ST8SIA1: variants seen among roughly 807,000 people sequenced by gnomAD.
ST8SIA1 encodes alpha-N-acetylneuraminide alpha-2,8-sialyltransferase.
ST8SIA1 carries 16 observed loss-of-function variants against 35.9 expected under a neutral mutation model. That is an observed-to-expected ratio of 0.45 (90% CI 0.30 to 0.68). The LOEUF (loss-of-function observed/expected upper bound fraction) is 0.68, where lower values mean the gene tolerates loss of function less well. ST8SIA1 is among the 30% of genes least tolerant of loss of function. The pLI is 0.09. For synonymous variants in ST8SIA1, 170 were observed against 169.6 expected, an observed-to-expected ratio of 1.00 and a Z score of -0.02; for missense variants, 383 against 453.6, an observed-to-expected ratio of 0.84 and a Z score of 1.41.
chr12:22,311,524 C>A (rs1866449503), intron 1 of ST8SIA1, among the ~76,000 whole-genome samples: 1 of 152,124 alleles, frequency 6.6e-6, no homozygotes, highest in African/African-American at 2.4e-5. Flanking sequence ...AAAATATAGG[C>A]AATGTGTGAG....
At chr12:22,235,960 G>T (rs1009380890) in intron 4 of ST8SIA1, among the ~76,000 whole-genome samples, 1 of 151,836 alleles carries the variant, frequency 6.6e-6, no homozygotes, top group Non-Finnish European at 1.5e-5. Context: ...TGACAAAAAT[G>T]CATGGCTACA....
intron 2 of ST8SIA1, among the ~76,000 whole-genome samples, chr12:22,267,598 G>A (rs1441023459): frequency 6.6e-6 from 1 of 152,122 alleles, no homozygotes; most frequent in Non-Finnish European, 1.5e-5. Context: ...CCAATCAACT[G>A]AGTTTTGCAG....
rs148033466 is a variant in ST8SIA1 at position 22,216,620 on chromosome 12, G to T, written c.585-14582C>A. Among the ~76,000 whole-genome samples, 1,033 of 152,116 alleles carry T rather than the reference G, an allele frequency of 6.8e-3. 10 individuals are homozygous for T. Among genetic ancestry groups the T allele is most frequent in the Non-Finnish European group, 0.011 (738 of 67,996 alleles). On this transcript the variant is annotated intron_variant, in intron 4 of 4. Coordinates refer to ENST00000396037, the MANE Select transcript of ST8SIA1 (RefSeq NM_003034.4). ...TTTTTATCAAGGTACTTGTCATCTTGCCATGTCTTTATATCTTAATTTTTA... is the reference window on the plus strand; with the variant it reads ...TTTTTATCAAGGTACTTGTCATCTTTCCATGTCTTTATATCTTAATTTTTA...
rs775437796 is a variant in ST8SIA1, at chr12:22,195,758, A to AT, written c.*5793dup. 6.6e-6 allele frequency: 1 copy of AT among 152,036 alleles called. No individual in the cohort carries two copies. The highest frequency in any genetic ancestry group is 6.6e-5 in the Admixed American group (1 of 15,266). 9.4% of individuals were successfully genotyped at this position (152,036 alleles called of 1,614,324 possible). ...ATCATCTTTTCAAATTAAAACCAAG[A>AT]TTTTGTCTCTCTTTTTTTCAGTTTG... On this transcript the variant is annotated 3_prime_UTR_variant, in exon 5 of 5. Transcript: ENST00000396037.
At chr12:22,309,018 T>A (rs1866417643) in intron 1 of ST8SIA1, among the ~76,000 whole-genome samples, 1 of 152,006 alleles carries the variant, frequency 6.6e-6, no homozygotes, top group Non-Finnish European at 1.5e-5. Flanking sequence ...AAAACTAATA[T>A]CTCTAAAAGA....
In ST8SIA1 at chr12:22,285,886, A is replaced by AAAAAAC. The variant is rs1565586764; in HGVS notation, c.381+1262_381+1263insGTTTTT. On this transcript the variant is annotated intron_variant, in intron 2 of 4. Coordinates refer to ENST00000396037, the MANE Select transcript of ST8SIA1 (RefSeq NM_003034.4). ...AAGACTCTGTCAAAAACAAAAAAAA[A>AAAAAAC]AAAAAAAAAAGGACATTTCCATGCA... is the stretch of plus-strand genomic sequence containing the variant. 1.9e-3 allele frequency among the ~76,000 whole-genome samples: 204 copies of AAAAAAC among 109,806 alleles called. 1 individual carries two copies. Among genetic ancestry groups the AAAAAAC allele is most frequent in the African/African-American group, 5.5e-3 (193 of 35,130 alleles). The allele number at this position is 109,806 out of a possible 152,430, so 72.0% of individuals were successfully genotyped here.
intron 1 of ST8SIA1, chr12:22,325,921 A>T (rs1396043711): frequency 2.9e-6 from 2 of 696,858 alleles, no homozygotes; most frequent in Non-Finnish European, 5.2e-6. Flanking sequence ...AAGTGTCAAC[A>T]GTGTGGAGAC....
At chr12:22,275,583 A>G (rs1256908189) in intron 2 of ST8SIA1, among the ~76,000 whole-genome samples, 1 of 152,184 alleles carries the variant, frequency 6.6e-6, no homozygotes, top group East Asian at 1.9e-4. Flanking sequence ...AGCTGGAGGA[A>G]GCAGATGGAT....
chr12:22,269,346 A>AT (rs1379943952), intron 2 of ST8SIA1, among the ~76,000 whole-genome samples: 3 of 152,200 alleles, frequency 2.0e-5, no homozygotes, highest in Non-Finnish European at 4.4e-5. Context: ...TCTTTTCAAA[A>AT]TAACATTAAG....
intron 1 of ST8SIA1, among the ~76,000 whole-genome samples, chr12:22,304,950 TG>T (rs1565591743): frequency 6.6e-6 from 1 of 152,236 alleles, no homozygotes; most frequent in Non-Finnish European, 1.5e-5. Flanking sequence ...TACCTTGAGA[TG>T]TAAATTTTGC....
At chr12:22,322,817 A>G (rs1866619218) in intron 1 of ST8SIA1, among the ~76,000 whole-genome samples, 1 of 152,254 alleles carries the variant, frequency 6.6e-6, no homozygotes, top group Admixed American at 6.5e-5. Flanking sequence ...GGTGGGTATG[A>G]TCTGCTGCAG....
chr12:22,233,467 A>T (rs1865440323), intron 4 of ST8SIA1, among the ~76,000 whole-genome samples: 1 of 152,016 alleles, frequency 6.6e-6, no homozygotes, highest in Non-Finnish European at 1.5e-5. Context: ...ATCATAAATC[A>T]CCCTTTTTTG....
At chr12:22,243,479 A>G (rs16924828) in intron 4 of ST8SIA1, among the ~76,000 whole-genome samples, 8,466 of 152,272 alleles carry the variant, frequency 0.056, 823 homozygotes, top group African/African-American at 0.19. Context: ...AGCATCATCT[A>G]TATTTTAATC....
At chr12:22,239,401 T>C (rs1865514039) in intron 4 of ST8SIA1, among the ~76,000 whole-genome samples, 1 of 152,198 alleles carries the variant, frequency 6.6e-6, no homozygotes, top group South Asian at 2.1e-4. Flanking sequence ...ATCTGGAAAA[T>C]TATTTGCTCT....
At chr12:22,215,000 G>A (rs1865219845) in intron 4 of ST8SIA1, among the ~76,000 whole-genome samples, 1 of 152,120 alleles carries the variant, frequency 6.6e-6, no homozygotes. Context: ...GCTTTTCCCT[G>A]AGTAGAAGAC....
chr12:22,206,324 T>C (rs1436889223), intron 4 of ST8SIA1, among the ~76,000 whole-genome samples: 3 of 152,110 alleles, frequency 2.0e-5, no homozygotes, highest in Non-Finnish European at 2.9e-5. Context: ...AAGGCAGCAG[T>C]AGCAATGCCC....
At chr12:22,299,282 T>C (rs1183810857) in intron 1 of ST8SIA1, among the ~76,000 whole-genome samples, 1 of 152,154 alleles carries the variant, frequency 6.6e-6, no homozygotes, top group African/African-American at 2.4e-5. Flanking sequence ...TTAACTGTTG[T>C]ATATAAAACA....
chr12:22,270,792 C>T (rs1865903954), intron 2 of ST8SIA1, among the ~76,000 whole-genome samples: 1 of 151,824 alleles, frequency 6.6e-6, no homozygotes, highest in South Asian at 2.1e-4. Context: ...ATACTTGTAC[C>T]CCATAAATTT....
chr12:22,246,296 G>T (rs778413885), intron 4 of ST8SIA1, among the ~76,000 whole-genome samples: 17 of 152,154 alleles, frequency 1.1e-4, no homozygotes, highest in Non-Finnish European at 1.8e-4. Flanking sequence ...TTGGTGTGTG[G>T]GGGAAAAACA....
Sources: gnomAD v4.1 joint callset for allele counts (sites outside exome capture counted in the v4.1 genomes callset) on GRCh38, gnomAD v4.1.1 for gene constraint, MANE v1.5 for transcripts, NCBI Gene and HGNC (gene_info 2026-07-23, HGNC 2026-07-21) for gene names.